The following GBE1 variants were observed in gnomAD, a reference collection of about 807,000 sequenced individuals.
GBE1 encodes 1,4-alpha-glucan branching enzyme 1, also known as 1,4-alpha-glucan-branching enzyme.
A neutral mutation model predicts 88.8 loss-of-function variants in GBE1; 70 were observed. That is an observed-to-expected ratio of 0.79 (90% CI 0.65 to 0.96). The LOEUF is 0.96. Ranked by LOEUF, GBE1 falls within the 40% of genes least tolerant of loss-of-function variation. The pLI is 0.00. For missense variants in GBE1, 872 were observed against 871.0 expected (o/e 1.00, Z -0.01); for synonymous variants, 284 against 300.1 (o/e 0.95, Z 0.56).
At chr3:81,676,109 A>G (rs956806979) in intron 2 of GBE1, among the ~76,000 whole-genome samples, 1 of 152,162 alleles carries the variant, frequency 6.6e-6, no homozygotes, top group Non-Finnish European at 1.5e-5. Context: ...TATAATGTAT[A>G]AAATAAATGC....
At chr3:81,658,129 AAAC>A (rs1249522218) in intron 3 of GBE1, among the ~76,000 whole-genome samples, 1 of 152,172 alleles carries the variant, frequency 6.6e-6, no homozygotes, top group Non-Finnish European at 1.5e-5. Context: ...CTTTAATAAA[AAAC>A]AAGAAACCTT....
intron 7 of GBE1, among the ~76,000 whole-genome samples, chr3:81,603,945 T>A (rs1047686145): frequency 6.6e-6 from 1 of 151,834 alleles, no homozygotes; most frequent in Non-Finnish European, 1.5e-5. Context: ...AATGATAGAG[T>A]AATGGCCTGA....
intron 7 of GBE1, among the ~76,000 whole-genome samples, chr3:81,639,505 C>T (rs994230641): frequency 1.4e-4 from 22 of 151,834 alleles, no homozygotes; most frequent in African/African-American, 4.1e-4. Context: ...AATTACTTAA[C>T]GCCCCTTCGA....
chr3:81,516,805 A>G (rs1702804016), intron 14 of GBE1, among the ~76,000 whole-genome samples: 1 of 151,640 alleles, frequency 6.6e-6, no homozygotes, highest in Admixed American at 6.6e-5. Context: ...CAGTGGAAGA[A>G]CTAACTGCAG....
At chr3:81,736,001 T>C (rs1021079466) in intron 1 of GBE1, among the ~76,000 whole-genome samples, 11 of 152,146 alleles carry the variant, frequency 7.2e-5, no homozygotes, top group Non-Finnish European at 1.3e-4. Flanking sequence ...ATGAAAATGA[T>C]AGCTACCTTA....
chr3:81,497,284 G>A (rs1360808885), intron 15 of GBE1, among the ~76,000 whole-genome samples: 1 of 152,062 alleles, frequency 6.6e-6, no homozygotes, highest in East Asian at 1.9e-4. Flanking sequence ...GCTGGGAGAA[G>A]GTATTCTTAA....
intron 2 of GBE1, among the ~76,000 whole-genome samples, chr3:81,676,814 T>A (rs1179237618): frequency 6.6e-6 from 1 of 152,154 alleles, no homozygotes; most frequent in African/African-American, 2.4e-5. Context: ...GGCATAAGAT[T>A]CTATTTGTCC....
chr3:81,730,959 C>T (rs1288145841), intron 1 of GBE1, among the ~76,000 whole-genome samples: 3 of 152,024 alleles, frequency 2.0e-5, no homozygotes, highest in South Asian at 2.1e-4. Context: ...AAGGTATAAC[C>T]GGTTTTACAT....
rs752672762 is a variant in GBE1, at chr3:81,537,052, T to C, written c.1662A>G (p.Lys554=). The part of the protein sequence containing the change: ...GHPEWLDFPR[K]GNNESYHYAR... Reference sequence around the variant, plus strand: ...CATAATGGTAACTCTCATTATTTCCTTTTCTTGGGAAGTCTAACCATTCAG... The same window carrying C: ...CATAATGGTAACTCTCATTATTTCCCTTTCTTGGGAAGTCTAACCATTCAG... The change falls in exon 13 of 16, where the codon AAA becomes AAG. Residue 554 remains lysine (K), a synonymous_variant. Transcript: ENST00000429644. 3 of 1,566,342 alleles carry C rather than the reference T, an allele frequency of 1.9e-6. No homozygotes were observed. Among genetic ancestry groups the C allele is most frequent in the East Asian group, 2.4e-5 (1 of 40,962 alleles).
rs1177533326 is a variant in GBE1, at chr3:81,547,657, CTCTCTCTCTCTT to C, written c.1619-10574_1619-10563del. On this transcript the variant is annotated intron_variant, in intron 12 of 15. Transcript: ENST00000429644. ...TCTCTCTCTCTCTCTCTCTCTCTCT[CTCTCTCTCTCTT>C]TCTCCCTCTGGGCAAACTGGTTGAA... 4.5e-5 allele frequency among the ~76,000 whole-genome samples: 6 copies of C among 134,434 alleles called. No homozygotes were observed. The East Asian group carries it at 1.2e-3, about 28-fold the overall frequency. 88.2% of individuals were successfully genotyped at this position (134,434 alleles called of 152,430 possible).
chr3:81,740,433 CCAAAA>C (rs749515757), intron 1 of GBE1, among the ~76,000 whole-genome samples: 3 of 151,014 alleles, frequency 2.0e-5, no homozygotes, highest in Non-Finnish European at 4.4e-5. Flanking sequence ...TTAAGAAAAG[CCAAAA>C]CAAAACAAAA....
intron 3 of GBE1, among the ~76,000 whole-genome samples, chr3:81,652,704 A>G (rs1704868241): frequency 6.6e-6 from 1 of 152,206 alleles, no homozygotes; most frequent in Admixed American, 6.5e-5. Flanking sequence ...TGTCTATAGT[A>G]GCTGTCTCAC....
chr3:81,579,521 C>T (rs559395454), intron 11 of GBE1, among the ~76,000 whole-genome samples: 1 of 152,008 alleles, frequency 6.6e-6, no homozygotes, highest in East Asian at 1.9e-4. Flanking sequence ...TATTTGTTTA[C>T]TCTTTCATTC....
chr3:81,562,462 C>A (rs184584328), intron 12 of GBE1, among the ~76,000 whole-genome samples: 2 of 152,156 alleles, frequency 1.3e-5, no homozygotes, highest in East Asian at 3.9e-4. Context: ...ATTTTGGAGA[C>A]AGACCAGCTG....
rs1702956369 is a variant in GBE1 at position 81,527,354 on chromosome 3, G to T, written c.1934+7841C>A. Among the ~76,000 whole-genome samples the T allele has an allele frequency of 2.0e-5, 3 of 152,092 alleles. No individual in the cohort carries two copies. In the South Asian group the frequency reaches 6.2e-4, roughly 32 times the overall value. Reference sequence around the variant, plus strand: ...AACACCAAAAGCAATGGCAACAAAAGCCAAAATTGACAAATGGGATCTAAT... The same window carrying T: ...AACACCAAAAGCAATGGCAACAAAATCCAAAATTGACAAATGGGATCTAAT... On this transcript the variant is annotated intron_variant, in intron 14 of 15. Transcript: ENST00000429644.
chr3:81,722,892 G>GTATATATATATATATATA (rs201396919), intron 1 of GBE1, among the ~76,000 whole-genome samples: 2 of 102,096 alleles, frequency 2.0e-5, no homozygotes, highest in African/African-American at 8.0e-5. Flanking sequence ...GTGTGTGTGT[G>GTATATATATATATATATA]TGTGTATATA....
In GBE1 at chr3:81,642,814, T is replaced by C. The variant is rs761603906; in HGVS notation, c.959A>G (p.Asp320Gly). The change falls in exon 7 of 16, where the codon GAT becomes GGT. Residue 320 changes from aspartate to glycine, a missense_variant. Transcript: ENST00000429644. ...YFHSGPRGTH[D>G]LWDSRLFAYS... Reference sequence around the variant, plus strand: ...GGCAAACAATCTGCTATCCCAAAGATCATGAGTCCCTCTAGGTCCAGAATG... The same window carrying C: ...GGCAAACAATCTGCTATCCCAAAGACCATGAGTCCCTCTAGGTCCAGAATG... The C allele has an allele frequency of 2.5e-6, 4 of 1,612,872 alleles. No individual in the cohort carries two copies. The highest frequency in any genetic ancestry group is 4.5e-5 in the East Asian group (2 of 44,844).
intron 3 of GBE1, among the ~76,000 whole-genome samples, chr3:81,650,956 G>A (rs1230246731): frequency 2.6e-5 from 4 of 152,190 alleles, no homozygotes; most frequent in Admixed American, 6.5e-5. Flanking sequence ...GATTACAGGC[G>A]TGAGCCAATG....
rs745507588 is a variant in GBE1, at chr3:81,577,964, T to C, written c.1579A>G (p.Thr527Ala). The change falls in exon 12 of 16, where the codon ACG becomes GCG. Residue 527 changes from threonine (T) to alanine (A), a missense_variant. Thr to Ala is a moderately conservative substitution (Grantham distance 58). Transcript: ENST00000429644. ...IQLHKMIRLITHGLGGEGYLN... is the reference protein window; with the variant it reads ...IQLHKMIRLIAHGLGGEGYLN... ...TAGCCTTCTCCACCAAGCCCATGCGTAATGAGTCGAATCATTTTATGAAGC... is the reference window on the plus strand; with the variant it reads ...TAGCCTTCTCCACCAAGCCCATGCGCAATGAGTCGAATCATTTTATGAAGC... The C allele has an allele frequency of 1.2e-6, 2 of 1,607,782 alleles. No individual in the cohort carries two copies. Among genetic ancestry groups the C allele is most frequent in the Non-Finnish European group, 1.7e-6 (2 of 1,177,674 alleles).
Sources: gnomAD v4.1 joint callset for allele counts (sites outside exome capture counted in the v4.1 genomes callset) on GRCh38, gnomAD v4.1.1 for gene constraint, MANE v1.5 for transcripts, NCBI Gene and HGNC (gene_info 2026-07-23, HGNC 2026-07-21) for gene names.